RPTOR: variants seen among roughly 807,000 people sequenced by gnomAD.
The protein encoded by RPTOR is regulatory-associated protein of mTOR.
In RPTOR, 21 loss-of-function variants were observed where a neutral mutation model predicts 169.9. The ratio of observed to expected loss-of-function variants is 0.12; its 90% confidence interval spans 0.09 to 0.18. The LOEUF (loss-of-function observed/expected upper bound fraction) is 0.18. Ranked by LOEUF, RPTOR falls within the 10% of genes least tolerant of loss-of-function variation. The pLI is 1.00. For synonymous variants in RPTOR, 732 were observed against 753.2 expected, an observed-to-expected ratio of 0.97 and a Z score of 0.46; for missense variants, 1,133 against 1,855.9, an observed-to-expected ratio of 0.61 and a Z score of 7.16.
At chr17:80,548,767 C>T (rs2143200420) in intron 1 of RPTOR, among the ~76,000 whole-genome samples, 1 of 152,288 alleles carries the variant, frequency 6.6e-6, no homozygotes, top group Middle Eastern at 3.4e-3. Context: ...ACGTAGCCTC[C>T]AGTCTGGTGG....
intron 11 of RPTOR, among the ~76,000 whole-genome samples, chr17:80,850,882 T>A (rs1438485094): frequency 3.9e-5 from 6 of 152,228 alleles, no homozygotes; most frequent in Admixed American, 2.6e-4. Flanking sequence ...ATGAAGCAGC[T>A]CTTCCAGTAT....
intron 2 of RPTOR, among the ~76,000 whole-genome samples, chr17:80,634,325 ATG>A (rs1434400591): frequency 5.5e-5 from 1 of 18,320 alleles, no homozygotes; most frequent in East Asian, 1.7e-3. Context: ...TGTGCGTACT[ATG>A]TGCGTGTGCG....
chr17:80,826,682 G>A (rs1172219102), intron 9 of RPTOR, among the ~76,000 whole-genome samples: 3 of 152,240 alleles, frequency 2.0e-5, no homozygotes, highest in Admixed American at 6.5e-5. Context: ...TGGGTTTGAC[G>A]GACATCAGGG....
chr17:80,582,036 G>A (rs1465490412), intron 1 of RPTOR, among the ~76,000 whole-genome samples: 4 of 152,298 alleles, frequency 2.6e-5, no homozygotes, highest in African/African-American at 9.6e-5. Context: ...CACTAGAGAG[G>A]GAGAGCTCTG....
Position 80,965,512 on chromosome 17 carries a change from A to G in RPTOR, c.*1182A>G, listed in dbSNP as rs1186830163. On this transcript the variant is annotated 3_prime_UTR_variant, in exon 34 of 34. Transcript: ENST00000306801. ...AGTTTTGCAAACAGAACACAACCAC[A>G]ATGATGGTATTTTGAAAAGTGTTCT... 8.6e-6 allele frequency: 2 copies of G among 233,240 alleles called. No individual in the cohort carries two copies. Among genetic ancestry groups the G allele is most frequent in the Non-Finnish European group, 1.7e-5 (2 of 118,074 alleles). The allele number at this position is 233,240 out of a possible 1,614,324, so 14.4% of individuals were successfully genotyped here. A position where few individuals can be genotyped will look rare whatever the true frequency, so the allele number is the denominator to read the frequency against.
At chr17:80,597,443 T>G (rs1444954273) in intron 1 of RPTOR, among the ~76,000 whole-genome samples, 1 of 152,158 alleles carries the variant, frequency 6.6e-6, no homozygotes, top group African/African-American at 2.4e-5. Context: ...TGAAGGAATC[T>G]CAACCTTATA....
rs769883261 is a variant in RPTOR at position 80,769,027 on chromosome 17, G to A, written c.830+14842G>A. On this transcript the variant is annotated intron_variant, in intron 6 of 33. Coordinates refer to ENST00000306801, the MANE Select transcript of RPTOR (RefSeq NM_020761.3). ...ATTTTACTTGTGCTGAGATCGAATC[G>A]ATAATGCCTCTTGATGGCATCATTG... Among the ~76,000 whole-genome samples, 16 of 152,270 alleles carry A rather than the reference G, an allele frequency of 1.1e-4. No homozygotes were observed. The East Asian group carries it at 1.9e-3, about 18-fold the overall frequency.
intron 25 of RPTOR, among the ~76,000 whole-genome samples, chr17:80,942,726 C>T (rs550721741): frequency 2.0e-5 from 3 of 152,360 alleles, no homozygotes; most frequent in African/African-American, 4.8e-5. Context: ...CCAGAGAAGT[C>T]GGCGTCGCCC....
At chr17:80,894,761 C>T (rs1365827522) in intron 20 of RPTOR, among the ~76,000 whole-genome samples, 2 of 150,916 alleles carry the variant, frequency 1.3e-5, no homozygotes, top group Non-Finnish European at 2.9e-5. Context: ...TATAAGAGCG[C>T]TGCGTGTGTG....
chr17:80,784,567 ATTT>A (rs1259440913), intron 6 of RPTOR, among the ~76,000 whole-genome samples: 1 of 148,740 alleles, frequency 6.7e-6, no homozygotes, highest in African/African-American at 2.5e-5. Flanking sequence ...AATTTTTTGT[ATTT>A]TTAGTAGAAA....
intron 1 of RPTOR, among the ~76,000 whole-genome samples, chr17:80,583,186 T>TG (rs1250505069): frequency 2.7e-5 from 3 of 112,972 alleles, no homozygotes; most frequent in Admixed American, 8.7e-5. Flanking sequence ...TTTCCTGTTT[T>TG]TTTTTTTTTT....
chr17:80,589,355 C>G (rs186126552), intron 1 of RPTOR, among the ~76,000 whole-genome samples: 51 of 152,268 alleles, frequency 3.3e-4, no homozygotes, highest in Non-Finnish European at 6.5e-4. Context: ...CTTCACACTC[C>G]TGTCTCTGTG....
chr17:80,865,845 A>T (rs1447024463), intron 13 of RPTOR, among the ~76,000 whole-genome samples: 2 of 152,132 alleles, frequency 1.3e-5, no homozygotes, highest in African/African-American at 2.4e-5. Context: ...GCAGCCATGC[A>T]GTGCACAGAG....
intron 29 of RPTOR, among the ~76,000 whole-genome samples, chr17:80,958,174 G>A (rs1198555405): frequency 3.7e-5 from 5 of 136,766 alleles, no homozygotes; most frequent in Non-Finnish European, 7.8e-5. Context: ...TCAACCTCCT[G>A]GTCCAAGTGA....
intron 20 of RPTOR, among the ~76,000 whole-genome samples, chr17:80,901,384 T>C (rs1028453763): frequency 1.3e-5 from 2 of 152,152 alleles, no homozygotes; most frequent in Non-Finnish European, 2.9e-5. Context: ...CCTGACTTTT[T>C]TTTTTTTACT....
Position 80,651,767 on chromosome 17 carries a change from C to T in RPTOR, c.348+7957C>T, listed in dbSNP as rs1423949559. Among the ~76,000 whole-genome samples, 1 of 151,748 alleles carries T rather than the reference C, an allele frequency of 6.6e-6. No homozygotes were observed. Among genetic ancestry groups the T allele is most frequent in the Non-Finnish European group, 1.5e-5 (1 of 67,954 alleles). Reference sequence around the variant, plus strand: ...GCACGGTGGCTCACGCCTGTAATCCCAGCACTTTGGGAGGCCGAGGCGGGT... The same window carrying T: ...GCACGGTGGCTCACGCCTGTAATCCTAGCACTTTGGGAGGCCGAGGCGGGT... On this transcript the variant is annotated intron_variant, in intron 3 of 33. Transcript: ENST00000306801. The surrounding 1 kb of genome is among the most constrained non-coding windows in gnomAD (Gnocchi z 4.1).
intron 9 of RPTOR, among the ~76,000 whole-genome samples, chr17:80,833,709 G>A (rs1043853711): frequency 6.6e-6 from 1 of 152,216 alleles, no homozygotes; most frequent in African/African-American, 2.4e-5. Flanking sequence ...TGCCGTGCAG[G>A]CCGGGTGCAA....
At position 80,695,983 on chromosome 17, in the gene RPTOR, T is replaced by C. The variant is rs188878415; in HGVS notation, c.349-11858T>C. 5.3e-5 allele frequency among the ~76,000 whole-genome samples: 8 copies of C among 152,346 alleles called. No homozygotes were observed. The highest frequency in any genetic ancestry group is 1.2e-4 in the Non-Finnish European group (8 of 68,034). The stretch of plus-strand genomic sequence containing the variant: ...ATGCTGGTTACATCTTAGATGGAAA[T>C]TGGCCGTGTCTCTGCTGTTTCTGAG... On this transcript the variant is annotated intron_variant, in intron 3 of 33. Coordinates refer to ENST00000306801, the MANE Select transcript of RPTOR (RefSeq NM_020761.3). The surrounding 1 kb of genome is among the most constrained non-coding windows in gnomAD (Gnocchi z 4.9).
At chr17:80,749,168 T>G (rs1277705212) in intron 5 of RPTOR, among the ~76,000 whole-genome samples, 1 of 5,314 alleles carries the variant, frequency 1.9e-4, no homozygotes. Context: ...GGGGCTGCGG[T>G]GTGTGTTTGG....
Sources: gnomAD v4.1 joint callset for allele counts (sites outside exome capture counted in the v4.1 genomes callset) on GRCh38, gnomAD v4.1.1 for gene constraint, Gnocchi (gnomAD v3.1) non-coding constraint, MANE v1.5 for transcripts, NCBI Gene and HGNC (gene_info 2026-07-23, HGNC 2026-07-21) for gene names.